INPP4B: variants seen among roughly 807,000 people sequenced by gnomAD.
INPP4B encodes the protein inositol polyphosphate-4-phosphatase type II B, also known as inositol polyphosphate 4-phosphatase type II.
In INPP4B, 55 loss-of-function variants were observed where a neutral mutation model predicts 122.5. The observed-to-expected ratio is 0.45, with a 90% CI of 0.36 to 0.56. The LOEUF (loss-of-function observed/expected upper bound fraction) is 0.56. INPP4B is among the 20% of genes least tolerant of loss of function. The pLI is 0.00. For missense variants in INPP4B, 1,000 were observed against 1,097.7 expected (o/e 0.91, Z 1.26); for synonymous variants, 403 against 388.7 (o/e 1.04, Z -0.43).
chr4:142,596,963 C>G (rs899874019), intron 2 of INPP4B, among the ~76,000 whole-genome samples: 2 of 152,144 alleles, frequency 1.3e-5, no homozygotes, highest in African/African-American at 4.8e-5. Context: ...TACCCTCAAA[C>G]GAGCAACATC....
At chr4:142,505,240 TAA>T (rs61333660) in intron 2 of INPP4B, among the ~76,000 whole-genome samples, 24 of 134,338 alleles carry the variant, frequency 1.8e-4, no homozygotes, top group Non-Finnish European at 1.6e-4. Flanking sequence ...CTCTGTCTAT[TAA>T]AAAAAAAAAA....
At chr4:142,731,548 A>T (rs1373030) in intron 1 of INPP4B, among the ~76,000 whole-genome samples, 39,840 of 152,030 alleles carry the variant, frequency 0.26, 5,361 homozygotes, top group South Asian at 0.35. Flanking sequence ...TAGATCAAGG[A>T]CTTTTGCCAT....
At chr4:142,813,532 G>T (rs182094614) in intron 1 of INPP4B, among the ~76,000 whole-genome samples, 74 of 152,244 alleles carry the variant, frequency 4.9e-4, no homozygotes, top group African/African-American at 1.8e-3. Flanking sequence ...GAAATGGAAT[G>T]ATGTTCGGGG....
At chr4:142,732,012 T>C (rs1766165334) in intron 1 of INPP4B, among the ~76,000 whole-genome samples, 1 of 151,942 alleles carries the variant, frequency 6.6e-6, no homozygotes, top group Non-Finnish European at 1.5e-5. Flanking sequence ...AGGCCCATTA[T>C]CCCCATCATC....
At chr4:142,775,592 T>G (rs1320916884) in intron 1 of INPP4B, among the ~76,000 whole-genome samples, 1 of 147,144 alleles carries the variant, frequency 6.8e-6, no homozygotes, top group Non-Finnish European at 1.5e-5. Flanking sequence ...CCAGTCTGGT[T>G]TTGAACTCCT....
chr4:142,592,627 G>T (rs28753390), intron 2 of INPP4B, among the ~76,000 whole-genome samples: 1,598 of 152,212 alleles, frequency 0.01, 30 homozygotes, highest in African/African-American at 0.037. Context: ...CCATAGACTA[G>T]AAATATTTTC....
chr4:142,115,575 G>A (rs952856113), intron 21 of INPP4B, among the ~76,000 whole-genome samples: 14 of 152,128 alleles, frequency 9.2e-5, no homozygotes, highest in Middle Eastern at 3.4e-3. Flanking sequence ...TTCATAAGTG[G>A]AGGAGAAATA....
At chr4:142,177,688 T>C (rs1397889764) in intron 15 of INPP4B, among the ~76,000 whole-genome samples, 1 of 152,104 alleles carries the variant, frequency 6.6e-6, no homozygotes. Context: ...ATTATTTTCA[T>C]AAGAATGCAC....
At chr4:142,830,826 C>T (rs1438504016) in intron 1 of INPP4B, among the ~76,000 whole-genome samples, 1 of 114,098 alleles carries the variant, frequency 8.8e-6, no homozygotes, top group African/African-American at 3.4e-5. Context: ...TTAGCCTACA[C>T]AACATAGCAA....
intron 1 of INPP4B, among the ~76,000 whole-genome samples, chr4:142,791,275 C>G (rs946187236): frequency 6.6e-6 from 1 of 152,048 alleles, no homozygotes; most frequent in African/African-American, 2.4e-5. Context: ...TGTAAAGGGA[C>G]TGTTAAATAT....
intron 25 of INPP4B, among the ~76,000 whole-genome samples, chr4:142,057,322 G>A (rs935157115): frequency 2.0e-5 from 3 of 151,966 alleles, no homozygotes; most frequent in Admixed American, 6.6e-5. Flanking sequence ...TTACAGAAAC[G>A]TAACCTATAA....
At position 142,161,568 on chromosome 4, in the gene INPP4B, T is replaced by C. The variant is rs369627806; in HGVS notation, c.1360-1007A>G. On this transcript the variant is annotated intron_variant, in intron 16 of 25. Coordinates refer to ENST00000262992, the MANE Select transcript of INPP4B (RefSeq NM_001101669.3). ...ACTCTTGATAATGCTGGCTTCACCATTGATATAACTCAACATCATTATTTC... is the reference window on the plus strand; with the variant it reads ...ACTCTTGATAATGCTGGCTTCACCACTGATATAACTCAACATCATTATTTC... 2.2e-4 allele frequency among the ~76,000 whole-genome samples: 33 copies of C among 152,052 alleles called. No individual in the cohort carries two copies. In the East Asian group the frequency reaches 3.5e-3, roughly 16 times the overall value.
chr4:142,621,766 TA>T (rs1160407250), intron 2 of INPP4B, among the ~76,000 whole-genome samples: 2 of 151,186 alleles, frequency 1.3e-5, no homozygotes, highest in Admixed American at 1.3e-4. Context: ...ACATACCTTA[TA>T]AAAATATTAT....
At chr4:142,163,394 G>A (rs148140586) in intron 16 of INPP4B, among the ~76,000 whole-genome samples, 3 of 151,760 alleles carry the variant, frequency 2.0e-5, no homozygotes, top group South Asian at 4.2e-4. Context: ...TCACCAGATC[G>A]ACTGTCAGGT....
chr4:142,119,769 C>A (rs1030463165), intron 21 of INPP4B, among the ~76,000 whole-genome samples: 9 of 151,072 alleles, frequency 6.0e-5, no homozygotes, highest in Non-Finnish European at 1.5e-5. Flanking sequence ...ACATTGTGCA[C>A]ATGTAGCCTA....
At chr4:142,821,689 A>T (rs1306363371) in intron 1 of INPP4B, among the ~76,000 whole-genome samples, 1 of 152,124 alleles carries the variant, frequency 6.6e-6, no homozygotes, top group African/African-American at 2.4e-5. Context: ...TACTTTTCTC[A>T]GTTTCTTAAA....
At chr4:142,231,903 A>G (rs748415766) in intron 12 of INPP4B, among the ~76,000 whole-genome samples, 34 of 152,218 alleles carry the variant, frequency 2.2e-4, no homozygotes, top group Non-Finnish European at 4.0e-4. Context: ...CTGACTTCAT[A>G]GAAGTCAAGG....
At chr4:142,451,599 A>C (rs1310774616) in intron 3 of INPP4B, among the ~76,000 whole-genome samples, 2 of 152,102 alleles carry the variant, frequency 1.3e-5, no homozygotes, top group African/African-American at 4.8e-5. Flanking sequence ...CAGATCCAGC[A>C]TTCTGGTTAC....
chr4:142,370,582 T>C (rs1789517847), intron 7 of INPP4B, among the ~76,000 whole-genome samples: 1 of 151,998 alleles, frequency 6.6e-6, no homozygotes, highest in Non-Finnish European at 1.5e-5. Flanking sequence ...TTAGAACTAA[T>C]AAATGAATTC....
Sources: gnomAD v4.1 joint callset for allele counts (sites outside exome capture counted in the v4.1 genomes callset) on GRCh38, gnomAD v4.1.1 for gene constraint, MANE v1.5 for transcripts, NCBI Gene and HGNC (gene_info 2026-07-23, HGNC 2026-07-21) for gene names.